NIN: variants seen among roughly 807,000 people sequenced by gnomAD.
NIN encodes the protein ninein.
Under a neutral mutation model 257.6 loss-of-function variants are expected in NIN, and 137 were observed. The ratio of observed to expected loss-of-function variants is 0.53; its 90% confidence interval spans 0.46 to 0.61. The LOEUF is 0.61. NIN is among the 20% of genes least tolerant of loss of function. The pLI is 0.00. For missense variants in NIN, 2,439 were observed against 2,501.2 expected, an observed-to-expected ratio of 0.98 and a Z score of 0.53; for synonymous variants, 918 against 919.8, an observed-to-expected ratio of 1.00 and a Z score of 0.04.
At position 50,757,903 on chromosome 14, in the gene NIN, CCTCCT is replaced by C. The variant is rs568325943; in HGVS notation, c.3122_3126del (p.Glu1041GlyfsTer33). 2 of 1,614,170 alleles carry C rather than the reference CCTCCT, an allele frequency of 1.2e-6. No individual in the cohort carries two copies. The highest frequency in any genetic ancestry group is 1.1e-5 in the South Asian group (1 of 91,080). Reference sequence around the variant, plus strand: ...GACAGGGCTCCATCTCCTTCCACCTCCTCCTCTCCTATCACCTGGCAACCACTCTG... The same window carrying C: ...GACAGGGCTCCATCTCCTTCCACCTCCTCCTATCACCTGGCAACCACTCTG... On this transcript the variant is annotated frameshift_variant, in exon 18 of 31. Transcript: ENST00000530997. LOFTEE classifies it high-confidence loss of function.
intron 14 of NIN, among the ~76,000 whole-genome samples, chr14:50,765,063 T>G (rs1595811320): frequency 1.2e-5 from 1 of 82,072 alleles, no homozygotes; most frequent in Non-Finnish European, 2.4e-5. Context: ...TGTCTCTACT[T>G]AAAAAAAAAA....
chr14:50,745,361 C>T (rs2041490298), intron 22 of NIN, among the ~76,000 whole-genome samples: 1 of 152,126 alleles, frequency 6.6e-6, no homozygotes. Flanking sequence ...AATCCTCACC[C>T]CTTCACCCTA....
At chr14:50,791,830 C>CAG (rs2043609762) in intron 5 of NIN, among the ~76,000 whole-genome samples, 3 of 152,120 alleles carry the variant, frequency 2.0e-5, no homozygotes, top group Non-Finnish European at 4.4e-5. Context: ...CACACACACA[C>CAG]ACACACACAG....
chr14:50,805,570 G>A (rs2044289442), intron 4 of NIN, among the ~76,000 whole-genome samples: 1 of 152,172 alleles, frequency 6.6e-6, no homozygotes, highest in Admixed American at 6.5e-5. Context: ...CAGAGGGCAG[G>A]ATGAAGAACT....
At chr14:50,754,016 T>C (rs1197949546) in intron 20 of NIN, among the ~76,000 whole-genome samples, 1 of 152,236 alleles carries the variant, frequency 6.6e-6, no homozygotes, top group Admixed American at 6.5e-5. Context: ...AAATACTCTT[T>C]CCCAATATGT....
intron 28 of NIN, among the ~76,000 whole-genome samples, chr14:50,730,000 C>T (rs1212264985): frequency 1.3e-5 from 2 of 152,198 alleles, no homozygotes; most frequent in Non-Finnish European, 1.5e-5. Context: ...GCACGATGTA[C>T]ATAATACATG....
chr14:50,823,455 A>C, intron 2 of NIN: 1 of 313,664 alleles, frequency 3.2e-6, no homozygotes, highest in Non-Finnish European at 6.5e-6. Context: ...GAAAAACGTA[A>C]GCTAAGATGT....
intron 30 of NIN, 162 bp downstream of exon 30, chr14:50,725,791 G>A (rs2140312792): frequency 7.8e-7 from 1 of 1,281,066 alleles, no homozygotes; most frequent in East Asian, 2.3e-5. Flanking sequence ...TTTTTGGGGT[G>A]ATATGAGGGA....
At chr14:50,772,232 C>T in intron 9 of NIN, 69 bp downstream of exon 9, 1 of 1,388,996 alleles carries the variant, frequency 7.2e-7, no homozygotes, top group Non-Finnish European at 9.8e-7. Context: ...TCACAGTTTC[C>T]AAAAAATAAA....
rs769057633 is a variant in NIN at position 50,770,413 on chromosome 14, C to T, written c.1409G>A (p.Arg470Gln). 27 of 1,614,056 alleles carry T rather than the reference C, an allele frequency of 1.7e-5. No individual in the cohort carries two copies. The highest frequency in any genetic ancestry group is 6.7e-5 in the Admixed American group (4 of 60,008). ...CTTTAAAGAGAGGGCAAGGCGGTCC[C>T]GGATATAGTTCTCTTCTGTTTTTGC... is the stretch of plus-strand genomic sequence containing the variant. The part of the protein sequence containing the change: ...EKAKTEENYI[R>Q]DRLALSLKEN... Residue 470 changes from arginine to glutamine, a missense_variant, in exon 12 of 31, where the codon CGG (arginine) becomes CAG (glutamine). Around this residue, in one of 3 missense-constraint regions of NIN, gnomAD observed 2,043 missense variants for 2,050.2 expected, o/e 1.00. Coordinates refer to ENST00000530997, the MANE Select transcript of NIN (RefSeq NM_020921.4).
At chr14:50,819,144 A>T (rs2045076525) in intron 3 of NIN, among the ~76,000 whole-genome samples, 1 of 152,254 alleles carries the variant, frequency 6.6e-6, no homozygotes, top group African/African-American at 2.4e-5. Flanking sequence ...TGATTTAAAA[A>T]TTATATTCAC....
intron 5 of NIN, among the ~76,000 whole-genome samples, chr14:50,784,592 C>T (rs1234669083): frequency 8.5e-5 from 13 of 152,198 alleles, no homozygotes; most frequent in Non-Finnish European, 1.6e-4. Flanking sequence ...CAGACTAGTG[C>T]CAGCTTTAAA....
chr14:50,727,711 T>C (rs1193065885), intron 29 of NIN: 22 of 1,436,776 alleles, frequency 1.5e-5, no homozygotes, highest in African/African-American at 2.8e-5. Context: ...AATCCTTCTG[T>C]AGGAATCTGC....
upstream of NIN, chr14:50,831,210 GC>G (rs2045692963): frequency 6.6e-6 from 1 of 151,606 alleles, no homozygotes; most frequent in South Asian, 2.1e-4. Context: ...CCCCGGCGCG[GC>G]TCCTCCTCTG....
chr14:50,776,742 G>A (rs771318994), intron 7 of NIN, among the ~76,000 whole-genome samples: 35 of 152,172 alleles, frequency 2.3e-4, no homozygotes, highest in Non-Finnish European at 4.1e-4. Context: ...GCTTACAATA[G>A]CTGGGTAAGT....
intron 28 of NIN, among the ~76,000 whole-genome samples, chr14:50,732,433 T>C (rs1298921446): frequency 6.6e-6 from 1 of 152,186 alleles, no homozygotes; most frequent in African/African-American, 2.4e-5. Flanking sequence ...ATACTATAAA[T>C]AAAAATCCAA....
At chr14:50,830,732 C>CT (rs944607666) in intron 1 of NIN, 4 of 154,330 alleles carry the variant, frequency 2.6e-5, no homozygotes, top group African/African-American at 9.7e-5. Context: ...GCCGGCCCGC[C>CT]CCCGCCCGCG....
intron 30 of NIN, 147 bp from the exon 31 acceptor site, chr14:50,723,819 A>G (rs914341404): frequency 6.1e-6 from 4 of 659,244 alleles, no homozygotes; most frequent in Non-Finnish European, 7.7e-6. Flanking sequence ...TAGCTTTAAC[A>G]TCAGACTTGG....
chr14:50,806,285 G>A (rs1176332416), intron 4 of NIN: 1 of 152,528 alleles, frequency 6.6e-6, no homozygotes, highest in Non-Finnish European at 1.5e-5. Flanking sequence ...CACTTGAGAG[G>A]AGGAGACAGA....
Sources: gnomAD v4.1 joint callset for allele counts (sites outside exome capture counted in the v4.1 genomes callset) on GRCh38, gnomAD v4.1.1 for gene constraint, gnomAD v4.1.1 regional missense constraint, MANE v1.5 for transcripts, NCBI Gene and HGNC (gene_info 2026-07-23, HGNC 2026-07-21) for gene names.